The following PCDHGA9 variants were observed in gnomAD, a reference collection of about 807,000 sequenced individuals.
The protein encoded by PCDHGA9 is protocadherin gamma subfamily A, 9.
PCDHGA9 carries 37 observed loss-of-function variants against 62.5 expected under a neutral mutation model. The ratio of observed to expected loss-of-function variants is 0.59; its 90% CI spans 0.46 to 0.78. The LOEUF (loss-of-function observed/expected upper bound fraction) is 0.78. Among genes scored for constraint, PCDHGA9 ranks in the 30% least tolerant of loss-of-function variants. PCDHGA9 has a pLI of 0.00. For synonymous variants in PCDHGA9, 459 were observed against 484.6 expected (o/e 0.95, Z 0.69); for missense variants, 1,138 against 1,166.2 (o/e 0.98, Z 0.35).
At chr5:141,507,931 G>A (rs1442781255) in intron 3 of PCDHGA9, 1 of 152,326 alleles carries the variant, frequency 6.6e-6, no homozygotes, top group African/African-American at 2.4e-5. Context: ...CTGCTGAGAG[G>A]GGTTAAGTAA....
At position 141,493,188 on chromosome 5, in the gene PCDHGA9, C is replaced by T. The variant is rs1292810486; in HGVS notation, c.2425-1619C>T. Among the ~76,000 whole-genome samples the T allele has an allele frequency of 2.6e-5, 4 of 152,216 alleles. No individual in the cohort carries two copies. Among genetic ancestry groups the T allele is most frequent in the Non-Finnish European group, 4.4e-5 (3 of 68,046 alleles). ...ATTGAGAGAAACTTACTATATAACT[C>T]CTTTGAGAACCTCATCTCATTTGCT... On this transcript the variant is annotated intron_variant, in intron 1 of 3. Coordinates refer to ENST00000573521, the MANE Select transcript of PCDHGA9 (RefSeq NM_018921.3). The surrounding 1 kb of genome is among the most constrained non-coding windows in gnomAD (Gnocchi z 4.3).
intron 2 of PCDHGA9, among the ~76,000 whole-genome samples, chr5:141,496,097 A>C (rs1329818315): frequency 6.6e-6 from 1 of 151,148 alleles, no homozygotes; most frequent in Non-Finnish European, 1.5e-5. Context: ...CCACCCACCA[A>C]CACCCCGCTC....
chr5:141,432,521 G>A lies in PCDHGA9; in HGVS notation c.2424+27145G>A. The stretch of plus-strand genomic sequence containing the variant: ...CCGCTCCGCAGAGCCCGGCTACCTG[G>A]TGACCAAGGTGGTGGCGGTGGACAG... On this transcript the variant is annotated intron_variant, in intron 1 of 3. Coordinates refer to ENST00000573521, the MANE Select transcript of PCDHGA9 (RefSeq NM_018921.3). The surrounding 1 kb of genome is among the most constrained non-coding windows in gnomAD (Gnocchi z 6.0). The A allele has an allele frequency of 6.2e-7, 1 of 1,614,112 alleles. No homozygotes were observed. Among genetic ancestry groups the A allele is most frequent in the Non-Finnish European group, 8.5e-7 (1 of 1,180,028 alleles).
In PCDHGA9 at chr5:141,404,081, G is replaced by A. The variant is rs1436868245; in HGVS notation, c.1129G>A (p.Gly377Arg). The A allele has an allele frequency of 6.2e-6, 10 of 1,613,302 alleles. No homozygotes were observed. Among genetic ancestry groups the A allele is most frequent in the South Asian group, 2.2e-5 (2 of 91,056 alleles). ...LLFNAHDRDS[G>R]KNGQVVCSIQ... ...TTTCAATGCTCATGACCGAGACTCC[G>A]GGAAGAATGGTCAAGTTGTCTGTTC... is the stretch of plus-strand genomic sequence containing the variant. The change falls in exon 1 of 4, where the codon GGG becomes AGG. Residue 377 changes from glycine (G) to arginine (R), a missense_variant. Coordinates refer to ENST00000573521, the MANE Select transcript of PCDHGA9 (RefSeq NM_018921.3).
rs2099883697 is a variant in PCDHGA9, at chr5:141,511,284, G to T, written c.*111G>T. On this transcript the variant is annotated 3_prime_UTR_variant, in exon 4 of 4. Coordinates refer to ENST00000573521, the MANE Select transcript of PCDHGA9 (RefSeq NM_018921.3). ...AGGGCTAACCCCCAGAATACTGGTA[G>T]GGGCCAAGGCCATGCTCCCCTTGGG... 6.5e-7 allele frequency: 1 copy of T among 1,528,258 alleles called. No homozygotes were observed. Among genetic ancestry groups the T allele is most frequent in the African/African-American group, 1.4e-5 (1 of 72,674 alleles). 94.7% of individuals were successfully genotyped at this position (1,528,258 alleles called of 1,614,324 possible). A position where few individuals can be genotyped will look rare whatever the true frequency, so the allele number is the denominator to read the frequency against.
chr5:141,423,159 G>A lies in PCDHGA9; in HGVS notation c.2424+17783G>A, dbSNP rs750186629. On this transcript the variant is annotated intron_variant, in intron 1 of 3. Transcript: ENST00000573521. Reference sequence around the variant, plus strand: ...GAGACGCGCTCAAGCAGAGCCTCGTGGTGGCCGTCCAGGACCACGGCCAGC... The same window carrying A: ...GAGACGCGCTCAAGCAGAGCCTCGTAGTGGCCGTCCAGGACCACGGCCAGC... The A allele has an allele frequency of 1.9e-5, 31 of 1,610,746 alleles. 1 individual carries two copies. The highest frequency in any genetic ancestry group is 3.3e-4 in the Middle Eastern group (2 of 6,080).
At chr5:141,413,331 C>T (rs1300057166) in intron 1 of PCDHGA9, 1 of 1,613,992 alleles carries the variant, frequency 6.2e-7, no homozygotes, top group Admixed American at 1.7e-5. Context: ...TGGGCAACAT[C>T]TCCAAGGACT....
At chr5:141,503,814 T>C (rs539980053) in intron 2 of PCDHGA9, among the ~76,000 whole-genome samples, 2 of 152,100 alleles carry the variant, frequency 1.3e-5, no homozygotes, top group East Asian at 3.9e-4. Flanking sequence ...GAATCCCAGA[T>C]TGGGCAAAAC....
At chr5:141,419,652 CG>C (rs767047378) in intron 1 of PCDHGA9, 3 of 1,612,590 alleles carry the variant, frequency 1.9e-6, no homozygotes, top group Non-Finnish European at 1.7e-6. Context: ...GACGCGGACT[CG>C]GGGCACAATG....
At chr5:141,413,234 T>C (rs2095618811) in intron 1 of PCDHGA9, 2 of 1,613,838 alleles carry the variant, frequency 1.2e-6, no homozygotes, top group Non-Finnish European at 1.7e-6. Context: ...CTGGTCCTGC[T>C]CTGCCTTTTC....
At chr5:141,452,490 C>A (rs2098742307) in intron 1 of PCDHGA9, among the ~76,000 whole-genome samples, 1 of 152,188 alleles carries the variant, frequency 6.6e-6, no homozygotes, top group East Asian at 1.9e-4. Flanking sequence ...TAAACACACC[C>A]ATATTTATAT....
chr5:141,466,486 T>C (rs1005010773), intron 1 of PCDHGA9, among the ~76,000 whole-genome samples: 1 of 152,240 alleles, frequency 6.6e-6, no homozygotes, highest in Non-Finnish European at 1.5e-5. Flanking sequence ...GTAGGTCTTC[T>C]TTAATTAGAG....
chr5:141,408,509 G>T, intron 1 of PCDHGA9: 1 of 1,614,048 alleles, frequency 6.2e-7, no homozygotes, highest in Non-Finnish European at 8.5e-7. Flanking sequence ...AAGAAGATGT[G>T]AGTTGCAATT....
intron 1 of PCDHGA9, among the ~76,000 whole-genome samples, chr5:141,437,686 G>A (rs1025629140): frequency 2.6e-5 from 4 of 151,740 alleles, no homozygotes; most frequent in African/African-American, 9.7e-5. Flanking sequence ...AACTGATGAG[G>A]CTAAATCTCA....
At chr5:141,416,993 C>T (rs1230909560) in intron 1 of PCDHGA9, 1 of 151,494 alleles carries the variant, frequency 6.6e-6, no homozygotes, top group Non-Finnish European at 1.5e-5. Context: ...ATTGTGCATT[C>T]ATCTCAAATA....
chr5:141,477,988 C>T lies in PCDHGA9; in HGVS notation c.2425-16819C>T, dbSNP rs771241128. The T allele has an allele frequency of 6.2e-7, 1 of 1,614,160 alleles. No individual in the cohort carries two copies. Among genetic ancestry groups the T allele is most frequent in the Non-Finnish European group, 8.5e-7 (1 of 1,180,032 alleles). On this transcript the variant is annotated intron_variant, in intron 1 of 3. Coordinates refer to ENST00000573521, the MANE Select transcript of PCDHGA9 (RefSeq NM_018921.3). This position sits in a 1 kb window ranked among gnomAD's most constrained non-coding sequence, Gnocchi z 4.9. ...AGAGCCTTTTTGCCATAGGGCTGCA[C>T]ACTGGTCAAATCAGTACTGCCCGTC...
At chr5:141,415,740 G>GTTTTTGTTTTTTTTTT (rs2095911468) in intron 1 of PCDHGA9, 1 of 515,998 alleles carries the variant, frequency 1.9e-6, no homozygotes, top group Non-Finnish European at 2.6e-6. Context: ...GTTTATTAAG[G>GTTTTTGTTTTTTTTTT]TTTTTTTTTT....
rs533830391 is a variant in PCDHGA9, at chr5:141,492,559, C to T, written c.2425-2248C>T. 4.6e-5 allele frequency among the ~76,000 whole-genome samples: 7 copies of T among 152,292 alleles called. No homozygotes were observed. The East Asian group carries it at 1.4e-3, about 29-fold the overall frequency. The stretch of plus-strand genomic sequence containing the variant: ...GGGCTGGGCCGGGTCGCCTGGGGGG[C>T]GGCCTGAGCGAGGCGCGGGGCCAGG... On this transcript the variant is annotated intron_variant, in intron 1 of 3. Coordinates refer to ENST00000573521, the MANE Select transcript of PCDHGA9 (RefSeq NM_018921.3).
rs776349562 is a variant in PCDHGA9 at position 141,491,131 on chromosome 5, G to T, written c.2425-3676G>T. The T allele has an allele frequency of 6.2e-7, 1 of 1,614,182 alleles. No individual in the cohort carries two copies. Among genetic ancestry groups the T allele is most frequent in the Non-Finnish European group, 8.5e-7 (1 of 1,180,008 alleles). On this transcript the variant is annotated intron_variant, in intron 1 of 3. Coordinates refer to ENST00000573521, the MANE Select transcript of PCDHGA9 (RefSeq NM_018921.3). This position sits in a 1 kb window ranked among gnomAD's most constrained non-coding sequence, Gnocchi z 6.9. ...TACACACACTGGTGAGGTGCGCACA[G>T]CCCGGGCCTTACTGGAGGATGACTC...
Sources: allele counts gnomAD v4.1 joint callset (sites outside exome capture counted in the v4.1 genomes callset), GRCh38; gene constraint gnomAD v4.1.1; non-coding constraint Gnocchi (gnomAD v3.1); transcripts MANE v1.5; gene names NCBI Gene and HGNC (gene_info 2026-07-23, HGNC 2026-07-21).